The following MIDEAS variants were observed in gnomAD, a reference collection of about 807,000 sequenced individuals.
MIDEAS encodes mitotic deacetylase-associated SANT domain protein.
MIDEAS carries 26 observed loss-of-function variants against 102.7 expected under a neutral mutation model. That is an observed-to-expected ratio of 0.25 (90% CI 0.19 to 0.35). MIDEAS has a LOEUF of 0.35. Among genes scored for constraint, MIDEAS ranks in the 10% least tolerant of loss-of-function variants. MIDEAS has a pLI of 1.00. For synonymous variants in MIDEAS, 585 were observed against 591.0 expected, an observed-to-expected ratio of 0.99 and a Z score of 0.15; for missense variants, 1,231 against 1,435.6, an observed-to-expected ratio of 0.86 and a Z score of 2.30.
Position 73,739,689 on chromosome 14 carries a change from C to G in MIDEAS, c.320G>C (p.Gly107Ala). The G allele has an allele frequency of 6.2e-7, 1 of 1,613,792 alleles. No homozygotes were observed. The highest frequency in any genetic ancestry group is 8.5e-7 in the Non-Finnish European group (1 of 1,179,942). ...ACCCCCACCTCCTCCACGCTCCGGG[C>G]CCCGCCCTGGAGCCATCACAGAGTT... The part of the protein sequence containing the change: ...WPNSVMAPGR[G>A]PERGGGGGVS... The change falls in exon 2 of 13, where the codon GGC becomes GCC. Residue 107 changes from glycine (G) to alanine (A), a missense_variant. This residue lies in a region of MIDEAS where 758 missense variants were observed against 856.0 expected (regional missense o/e 0.89). Transcript: ENST00000423556.
Position 73,718,963 on chromosome 14 carries a change from G to A in MIDEAS, c.3180C>T (p.His1060=). The A allele has an allele frequency of 1.3e-6, 2 of 1,520,148 alleles. No homozygotes were observed. Among genetic ancestry groups the A allele is most frequent in the South Asian group, 2.4e-5 (2 of 81,948 alleles). The allele number at this position is 1,520,148 out of a possible 1,614,324, so 94.2% of individuals were successfully genotyped here. A position where few individuals can be genotyped will look rare whatever the true frequency, so the allele number is the denominator to read the frequency against. ...VKSRSAHMKS[H]AEQEKKAAAL... is the part of the protein sequence containing the mutation. ...CTGCAGCCTTCTTCTCCTGCTCTGC[G>A]TGGCTCTTCATATGCGCACTGCGGC... is the stretch of plus-strand genomic sequence containing the variant. Residue 1060 remains histidine, a synonymous_variant, in exon 13 of 13, where the codon CAC becomes CAT. Coordinates refer to ENST00000423556, the MANE Select transcript of MIDEAS (RefSeq NM_001367710.1).
chr14:73,736,193 A>G (rs1401488935), intron 3 of MIDEAS, among the ~76,000 whole-genome samples: 1 of 152,158 alleles, frequency 6.6e-6, no homozygotes, highest in African/African-American at 2.4e-5. Flanking sequence ...ATGAGAATAA[A>G]AGGCAAAAAG....
rs1341438876 is a variant in MIDEAS at position 73,718,901 on chromosome 14, G to A, written c.3242C>T (p.Ala1081Val). The change falls in exon 13 of 13, where the codon GCC becomes GTC. Residue 1081 changes from alanine (A) to valine (V), a missense_variant. Ala to Val is a moderately conservative substitution (Grantham distance 64). Transcript: ENST00000423556. ...CAGGGCCTGCTGGTGGGCGGCGGCG[G>A]CGGCAGCAGCGGCCTCTTTCTCCTT... ...RLKEKEAAAA[A>V]AAAHQQALRE... 2 of 1,521,014 alleles carry A rather than the reference G, an allele frequency of 1.3e-6. No homozygotes were observed. The highest frequency in any genetic ancestry group is 2.1e-5 in the Admixed American group (1 of 47,726). 94.2% of individuals were successfully genotyped at this position (1,521,014 alleles called of 1,614,324 possible).
intron 1 of MIDEAS, among the ~76,000 whole-genome samples, chr14:73,752,073 T>C (rs1328477720): frequency 6.6e-6 from 1 of 151,778 alleles, no homozygotes; most frequent in Non-Finnish European, 1.5e-5. Context: ...CAGCCACCCA[T>C]ATCTCCACAT....
Position 73,727,521 on chromosome 14 carries a change from C to T in MIDEAS, c.2099G>A (p.Ser700Asn), listed in dbSNP as rs1224988022. The change falls in exon 5 of 13, where the codon AGT becomes AAT. Residue 700 changes from serine to asparagine, a missense_variant. This residue lies in a region of MIDEAS where 391 missense variants were observed against 483.0 expected (regional missense o/e 0.81). Transcript: ENST00000423556. The part of the protein sequence containing the change: ...SAHRTLLRTN[S>N]AEVTPPVLSV... ...GAGGACAGGCGGGGTTACTTCAGCA[C>T]TGTCTATGGGACAAAGAGCAGGTTG... The T allele has an allele frequency of 6.2e-7, 1 of 1,610,644 alleles. No homozygotes were observed. Among genetic ancestry groups the T allele is most frequent in the African/African-American group, 1.3e-5 (1 of 74,824 alleles).
At position 73,747,798 on chromosome 14, in the gene MIDEAS, T is replaced by C. The variant is rs2053372146; in HGVS notation, c.-247-7543A>G. Among the ~76,000 whole-genome samples the C allele has an allele frequency of 3.3e-5, 5 of 152,172 alleles. No homozygotes were observed. In the South Asian group the frequency reaches 1.0e-3, roughly 32 times the overall value. ...GGGGAAGGGCTAAAGGGCCACAGCC[T>C]GGCATAGTGAAGTTTCCCAGGACCC... is the stretch of plus-strand genomic sequence containing the variant. On this transcript the variant is annotated intron_variant, in intron 1 of 12. Coordinates refer to ENST00000423556, the MANE Select transcript of MIDEAS (RefSeq NM_001367710.1).
At chr14:73,761,499 G>C (rs952585473), upstream of MIDEAS, among the ~76,000 whole-genome samples, 3 of 152,180 alleles carry the variant, frequency 2.0e-5, no homozygotes, top group African/African-American at 7.2e-5. Flanking sequence ...GGGCTTATTT[G>C]CACCATGTTA....
rs961174116 is a variant in MIDEAS at position 73,726,953 on chromosome 14, G to A, written c.2182C>T (p.Arg728Trp). The A allele has an allele frequency of 3.7e-6, 6 of 1,611,976 alleles. No individual in the cohort carries two copies. Among genetic ancestry groups the A allele is most frequent in the Admixed American group, 1.7e-5 (1 of 59,870 alleles). Residue 728 changes from arginine to tryptophan, a missense_variant, in exon 6 of 13, where the codon CGG becomes TGG. Around this residue, in one of 5 missense-constraint regions of MIDEAS, gnomAD observed 391 missense variants for 483.0 expected, o/e 0.81. Coordinates refer to ENST00000423556, the MANE Select transcript of MIDEAS (RefSeq NM_001367710.1). Reference protein sequence around the residue: ...SIEPRINVGSRFQAEIPLMRD... With the variant: ...SIEPRINVGSWFQAEIPLMRD... Reference sequence around the variant, plus strand: ...ATCAAGGGGATTTCTGCCTGGAACCGGGAGCCCACGTTGATCCGTCTAGAG... The same window carrying A: ...ATCAAGGGGATTTCTGCCTGGAACCAGGAGCCCACGTTGATCCGTCTAGAG...
At chr14:73,730,019 C>G (rs568125826) in intron 3 of MIDEAS, 34 bp from the exon 4 acceptor site, 8 of 1,597,958 alleles carry the variant, frequency 5.0e-6, no homozygotes, top group Non-Finnish European at 6.9e-6. Flanking sequence ...ACGGCTCAGC[C>G]CCCCGTGTCC....
intron 1 of MIDEAS, among the ~76,000 whole-genome samples, chr14:73,756,747 A>C (rs1051301746): frequency 2.6e-5 from 4 of 152,022 alleles, no homozygotes; most frequent in Non-Finnish European, 5.9e-5. Flanking sequence ...CAACTCTTTC[A>C]CCCTGAGGTC....
intron 1 of MIDEAS, among the ~76,000 whole-genome samples, chr14:73,784,732 G>C (rs1171149432): frequency 6.6e-6 from 1 of 152,176 alleles, no homozygotes; most frequent in Non-Finnish European, 1.5e-5. Context: ...CTAGAAAAGA[G>C]GGTTGTGCAA....
chr14:73,772,185 T>C lies in MIDEAS; in HGVS notation c.-248+14917A>G, dbSNP rs1301757595. Among the ~76,000 whole-genome samples, 3 of 152,220 alleles carry C rather than the reference T, an allele frequency of 2.0e-5. No homozygotes were observed. The East Asian group carries it at 5.8e-4, about 29-fold the overall frequency. The stretch of plus-strand genomic sequence containing the variant: ...TGCCGGTAGCTGATAAAGACAGAGC[T>C]GTTTGGTTTTCCTGGTAGTAACAGA... On this transcript the variant is annotated intron_variant, in intron 1 of 11. Coordinates refer to the MIDEAS transcript ENST00000394071.
chr14:73,716,180 G>C lies in MIDEAS; in HGVS notation c.*2663C>G, dbSNP rs193062012. On this transcript the variant is annotated 3_prime_UTR_variant, in exon 13 of 13. Coordinates refer to ENST00000423556, the MANE Select transcript of MIDEAS (RefSeq NM_001367710.1). ...TATACCTATGCCAGCTTCTATAGCT[G>C]CACCTGCTTTATTGGCAGGTCACTT... 6.6e-6 allele frequency: 1 copy of C among 152,544 alleles called. No homozygotes were observed. The highest frequency in any genetic ancestry group is 6.5e-5 in the Admixed American group (1 of 15,276). 9.4% of individuals were successfully genotyped at this position (152,544 alleles called of 1,614,324 possible). A position where few individuals can be genotyped will look rare whatever the true frequency, so the allele number is the denominator to read the frequency against.
At chr14:73,784,926 C>G (rs147968054) in intron 1 of MIDEAS, among the ~76,000 whole-genome samples, 2 of 152,350 alleles carry the variant, frequency 1.3e-5, no homozygotes, top group African/African-American at 4.8e-5. Context: ...CAAACGGTCA[C>G]TGTGCCCATG....
At chr14:73,762,249 G>T (rs998214223), upstream of MIDEAS, among the ~76,000 whole-genome samples, 2 of 152,198 alleles carry the variant, frequency 1.3e-5, no homozygotes, top group Non-Finnish European at 2.9e-5. Context: ...TGACTGGGAA[G>T]CACATTGCTA....
At chr14:73,762,215 A>G (rs1201838766), upstream of MIDEAS, among the ~76,000 whole-genome samples, 1 of 152,132 alleles carries the variant, frequency 6.6e-6, no homozygotes, top group Non-Finnish European at 1.5e-5. Context: ...CAGCCCAGGG[A>G]TGTTCCCAAC....
chr14:73,773,408 A>T (rs2053659673), intron 1 of MIDEAS, among the ~76,000 whole-genome samples: 1 of 151,706 alleles, frequency 6.6e-6, no homozygotes, highest in South Asian at 2.1e-4. Context: ...ATGAGTAAGG[A>T]GGGGAGAGCA....
rs2140091836 is a variant in MIDEAS, at chr14:73,719,453, A to G, written c.2986T>C (p.Ser996Pro). 6.2e-7 allele frequency: 1 copy of G among 1,613,880 alleles called. No homozygotes were observed. The highest frequency in any genetic ancestry group is 2.2e-5 in the East Asian group (1 of 44,870). Reference sequence around the variant, plus strand: ...TTCTCCGAGGCCTGGCCACCGGCAGACCCAGGGGCGTTGGACTCGTGGCTC... The same window carrying G: ...TTCTCCGAGGCCTGGCCACCGGCAGGCCCAGGGGCGTTGGACTCGTGGCTC... ...LRSHESNAPG[S>P]AGGQASEKPR... Residue 996 changes from serine to proline, a missense_variant, in exon 12 of 13, where the codon TCT becomes CCT. Transcript: ENST00000423556.
chr14:73,750,577 C>T (rs923194535), intron 1 of MIDEAS, among the ~76,000 whole-genome samples: 7 of 152,312 alleles, frequency 4.6e-5, no homozygotes, highest in South Asian at 2.1e-4. Context: ...GGCTCAGCAC[C>T]ATCTCACTCT....
Sources: allele counts gnomAD v4.1 joint callset (sites outside exome capture counted in the v4.1 genomes callset), GRCh38; gene constraint gnomAD v4.1.1; regional missense constraint gnomAD v4.1.1; transcripts MANE v1.5; gene names NCBI Gene and HGNC (gene_info 2026-07-23, HGNC 2026-07-21).